IFT140: variants seen among roughly 807,000 people sequenced by gnomAD.
IFT140 encodes the protein intraflagellar transport 140, also known as intraflagellar transport protein 140 homolog.
In IFT140, 133 loss-of-function variants were observed where a neutral mutation model predicts 164.6. That is an observed-to-expected ratio of 0.81 (90% CI 0.70 to 0.93). IFT140 has a LOEUF of 0.93. Among genes scored for constraint, IFT140 ranks in the 40% least tolerant of loss-of-function variants. IFT140 has a pLI of 0.00. For synonymous variants in IFT140, 860 were observed against 817.3 expected (o/e 1.05, Z -0.89); for missense variants, 2,045 against 1,972.3 (o/e 1.04, Z -0.70).
chr16:1,540,957 G>A, intron 19 of IFT140: 1 of 985,404 alleles, frequency 1.0e-6, no homozygotes, highest in African/African-American at 1.7e-5. Flanking sequence ...CAGGGGCCTG[G>A]GAACACACTG....
At chr16:1,562,246 G>T in intron 17 of IFT140, 130 bp from the exon 18 acceptor site, 2 of 710,752 alleles carry the variant, frequency 2.8e-6, no homozygotes, top group Non-Finnish European at 4.2e-6. Context: ...TCATGGTGGG[G>T]TCGGGTGCTT....
At chr16:1,559,150 T>G (rs1353430629) in intron 18 of IFT140, among the ~76,000 whole-genome samples, 1 of 152,134 alleles carries the variant, frequency 6.6e-6, no homozygotes, top group Admixed American at 6.5e-5. Context: ...GGGTGCTGAG[T>G]GCTGAAGGGT....
At chr16:1,606,991 C>A in intron 3 of IFT140, 129 bp downstream of exon 3, 1 of 874,090 alleles carries the variant, frequency 1.1e-6, no homozygotes, top group East Asian at 2.4e-5. Flanking sequence ...CACGCACACA[C>A]AGATGCATGT....
intron 12 of IFT140, among the ~76,000 whole-genome samples, chr16:1,581,662 G>A (rs959726017): frequency 1.2e-4 from 18 of 148,954 alleles, no homozygotes; most frequent in Non-Finnish European, 7.4e-5. Context: ...CACCTGCTGT[G>A]TTGGTTCTAC....
rs1483600282 is a variant in IFT140, at chr16:1,564,523, G to C, written c.1902-361C>G. Among the ~76,000 whole-genome samples, 1 of 152,180 alleles carries C rather than the reference G, an allele frequency of 6.6e-6. No homozygotes were observed. The highest frequency in any genetic ancestry group is 1.5e-5 in the Non-Finnish European group (1 of 68,028). On this transcript the variant is annotated intron_variant, in intron 16 of 30. Coordinates refer to ENST00000426508, the MANE Select transcript of IFT140 (RefSeq NM_014714.4). The surrounding 1 kb of genome is among the most constrained non-coding windows in gnomAD (Gnocchi z 5.5). ...GTGGGATGGCACCCCCTGCTGGGCG[G>C]GGTCGAGGCTTTGGCTCTGTGGTCA...
In IFT140 at chr16:1,584,240, T is replaced by C. The variant is rs139619013; in HGVS notation, c.1336A>G (p.Ile446Val). Reference sequence around the variant, plus strand: ...ACCTTGGTGGCAAACACTCCACTGATGTGCATGTCGGTGCGCAGGCTGTGT... The same window carrying C: ...ACCTTGGTGGCAAACACTCCACTGACGTGCATGTCGGTGCGCAGGCTGTGT... ...VAHSLRTDMHISGVFATKDAV... is the reference protein window; with the variant it reads ...VAHSLRTDMHVSGVFATKDAV... The change falls in exon 11 of 31, where the codon ATC becomes GTC. Residue 446 changes from isoleucine (I) to valine (V), a missense_variant. Physicochemically the swap from Ile to Val is conservative, Grantham distance 29. Transcript: ENST00000426508. 4,220 of 1,613,806 alleles carry C rather than the reference T, an allele frequency of 2.6e-3. 6 individuals are homozygous for C. Among genetic ancestry groups the C allele is most frequent in the Non-Finnish European group, 3.2e-3 (3,792 of 1,179,976 alleles).
rs2034087697 is a variant in IFT140, at chr16:1,572,705, A to G, written c.1525-1171T>C. Reference sequence around the variant, plus strand: ...CACAGTCACCCCACAGTTGCGCTGGAGCAGACCTCATGCTTTGTGGTGTGT... The same window carrying G: ...CACAGTCACCCCACAGTTGCGCTGGGGCAGACCTCATGCTTTGTGGTGTGT... On this transcript the variant is annotated intron_variant, in intron 13 of 30. Coordinates refer to ENST00000426508, the MANE Select transcript of IFT140 (RefSeq NM_014714.4). Among the ~76,000 whole-genome samples the G allele has an allele frequency of 2.0e-5, 3 of 152,238 alleles. 1 individual carries two copies. The highest frequency in any genetic ancestry group is 2.0e-4 in the Admixed American group (3 of 15,278).
Position 1,584,439 on chromosome 16 carries a change from A to G in IFT140, c.1156-19T>C, listed in dbSNP as rs557768631. ...AACCCCACTTCATTTCCAGGTTGCA[A>G]GAGAAAGAACCAGATGTGTGAACAG... On this transcript the variant is annotated intron_variant, in intron 10 of 30. Transcript: ENST00000426508. 19 of 1,581,630 alleles carry G rather than the reference A, an allele frequency of 1.2e-5. No homozygotes were observed. In the South Asian group the frequency reaches 1.8e-4, roughly 15 times the overall value.
At chr16:1,587,903 T>C in intron 8 of IFT140, 30 bp downstream of exon 8, 1 of 1,564,136 alleles carries the variant, frequency 6.4e-7, no homozygotes, top group South Asian at 1.1e-5. Context: ...GGAACTCTCA[T>C]CAAGGGGCAC....
At position 1,602,607 on chromosome 16, in the gene IFT140, G is replaced by C. The variant is rs565382217; in HGVS notation, c.148-16C>G. On this transcript the variant is annotated splice_polypyrimidine_tract_variant and intron_variant, in intron 3 of 30. Coordinates refer to ENST00000426508, the MANE Select transcript of IFT140 (RefSeq NM_014714.4). Reference sequence around the variant, plus strand: ...CGCACTCCCCCTGCATTGGATGAGAGGCAAATTCCCACAGTTCAGAGAGGG... The same window carrying C: ...CGCACTCCCCCTGCATTGGATGAGACGCAAATTCCCACAGTTCAGAGAGGG... 8.0e-5 allele frequency: 129 copies of C among 1,606,404 alleles called. 4 individuals carry two copies. The South Asian group carries it at 1.3e-3, about 16-fold the overall frequency.
In IFT140 at chr16:1,510,983, C is replaced by T. The variant is rs750381445; in HGVS notation, c.4350G>A (p.Leu1450=). The part of the protein sequence containing the change: ...RHNSMEDARE[L]DEEVVEEADD... ...CTGCCTCTTCCACCACCTCCTCGTC[C>T]AGCTCCCTGGCGTCCTCCATGCTGT... is the stretch of plus-strand genomic sequence containing the variant. Residue 1450 remains leucine (L), a synonymous_variant, in exon 31 of 31, where the codon CTG becomes CTA. Transcript: ENST00000426508. The T allele has an allele frequency of 6.3e-5, 101 of 1,612,110 alleles. No homozygotes were observed. The highest frequency in any genetic ancestry group is 7.3e-5 in the Non-Finnish European group (86 of 1,179,352).
At position 1,533,638 on chromosome 16, in the gene IFT140, G is replaced by A. The variant is rs1370189806; in HGVS notation, c.2400-6842C>T. 6.6e-6 allele frequency: 1 copy of A among 152,298 alleles called. No homozygotes were observed. The highest frequency in any genetic ancestry group is 2.4e-5 in the African/African-American group (1 of 41,444). 9.4% of individuals were successfully genotyped at this position (152,298 alleles called of 1,614,324 possible). A position where few individuals can be genotyped will look rare whatever the true frequency, so the allele number is the denominator to read the frequency against. On this transcript the variant is annotated intron_variant, in intron 19 of 30. Transcript: ENST00000426508. The surrounding 1 kb of genome is among the most constrained non-coding windows in gnomAD (Gnocchi z 4.7). ...TTGTTGCGGTTGGCTACGCCTTCCAGCTCACCAAAAACAGTCTCAAAAACA... is the reference window on the plus strand; with the variant it reads ...TTGTTGCGGTTGGCTACGCCTTCCAACTCACCAAAAACAGTCTCAAAAACA...
At chr16:1,548,417 C>A (rs910931887) in intron 19 of IFT140, among the ~76,000 whole-genome samples, 1 of 152,342 alleles carries the variant, frequency 6.6e-6, no homozygotes, top group East Asian at 1.9e-4. Flanking sequence ...GCTGGCTGGG[C>A]TGCAGAGCTG....
At chr16:1,516,806 G>T (rs1337093785) in intron 30 of IFT140, among the ~76,000 whole-genome samples, 2 of 150,788 alleles carry the variant, frequency 1.3e-5, no homozygotes, top group Non-Finnish European at 3.0e-5. Flanking sequence ...TAAAAAGAAG[G>T]CAGGAAAAAA....
chr16:1,587,843 C>T, intron 8 of IFT140, 90 bp downstream of exon 8: 3 of 974,804 alleles, frequency 3.1e-6, no homozygotes, highest in Non-Finnish European at 4.6e-6. Flanking sequence ...GTGCATTTTA[C>T]ATATGCTCCA....
chr16:1,602,544 A>G lies in IFT140; in HGVS notation c.195T>C (p.Ala65=). The G allele has an allele frequency of 1.2e-6, 2 of 1,613,998 alleles. No individual in the cohort carries two copies. The highest frequency in any genetic ancestry group is 2.2e-5 in the East Asian group (1 of 44,888). Residue 65 remains alanine (A), a synonymous_variant, in exon 4 of 31, where the codon GCT becomes GCC. Transcript: ENST00000426508. ...GCCGCGTCGGGTGCCAGCACAGGGA[A>G]GCAACCCGGAACGGCCTCTCGACGT... The part of the protein sequence containing the change: ...DTHVERPFRV[A]SLCWHPTRLV...
In IFT140 at chr16:1,523,948, G is replaced by GC; in HGVS notation, c.3149dup (p.Leu1051ProfsTer69). The stretch of plus-strand genomic sequence containing the variant: ...CCAAGTTCATGAGCTGGTCGTCCAG[G>GC]CCGTTCTCCTGCAGGGAGGGAGGCA... On this transcript the variant is annotated frameshift_variant, in exon 25 of 31. Coordinates refer to ENST00000426508, the MANE Select transcript of IFT140 (RefSeq NM_014714.4). LOFTEE classifies it high-confidence loss of function. The GC allele has an allele frequency of 1.2e-6, 2 of 1,612,086 alleles. No homozygotes were observed. Among genetic ancestry groups the GC allele is most frequent in the Non-Finnish European group, 1.7e-6 (2 of 1,179,962 alleles).
chr16:1,549,872 C>T (rs2032489689), intron 19 of IFT140, among the ~76,000 whole-genome samples: 1 of 152,232 alleles, frequency 6.6e-6, no homozygotes, highest in Non-Finnish European at 1.5e-5. Context: ...ATTACTTTTC[C>T]ACTCACACTT....
intron 30 of IFT140, among the ~76,000 whole-genome samples, chr16:1,511,720 C>T (rs757509595): frequency 6.7e-6 from 1 of 150,342 alleles, no homozygotes; most frequent in East Asian, 1.9e-4. Context: ...GCAAGCCTTC[C>T]ACACAGTCTC....
Sources: allele counts gnomAD v4.1 joint callset (sites outside exome capture counted in the v4.1 genomes callset), GRCh38; gene constraint gnomAD v4.1.1; non-coding constraint Gnocchi (gnomAD v3.1); transcripts MANE v1.5; gene names NCBI Gene and HGNC (gene_info 2026-07-23, HGNC 2026-07-21).